Variants in SRCAP observed in about 807,000 individuals in gnomAD.
SRCAP encodes the protein Snf2 related CREBBP activator protein, also known as chromatin remodeling protein SRCAP.
A neutral mutation model predicts 263.1 loss-of-function variants in SRCAP; 46 were observed. That is an observed-to-expected ratio of 0.17 (90% CI 0.14 to 0.22). The LOEUF (loss-of-function observed/expected upper bound fraction) is 0.22, where lower values mean the gene tolerates loss of function less well. Ranked by LOEUF, SRCAP falls within the 10% of genes least tolerant of loss-of-function variation. The pLI is 1.00. For synonymous variants in SRCAP, 1,813 were observed against 1,662.1 expected, an observed-to-expected ratio of 1.09 and a Z score of -2.21; for missense variants, 3,695 against 4,181.9, an observed-to-expected ratio of 0.88 and a Z score of 3.21.
chr16:30,710,693 T>G (rs200785165), intron 8 of SRCAP, 61 bp from the exon 9 acceptor site: 15 of 1,544,706 alleles, frequency 9.7e-6, no homozygotes, highest in Non-Finnish European at 1.3e-5. Context: ...TTTTCAAGTT[T>G]GTGCCATTCT....
chr16:30,704,694 C>T (rs1258637417), intron 4 of SRCAP, among the ~76,000 whole-genome samples: 1 of 152,004 alleles, frequency 6.6e-6, no homozygotes, highest in Non-Finnish European at 1.5e-5. Flanking sequence ...AAAAAATTAG[C>T]TGGGTATAGT....
intron 24 of SRCAP, 93 bp from the exon 25 acceptor site, chr16:30,723,491 A>G (rs2053031347): frequency 2.6e-6 from 4 of 1,515,352 alleles, no homozygotes. Context: ...CCTTCTGGGA[A>G]ATGGGAAGCT....
At position 30,739,258 on chromosome 16, in the gene SRCAP, C is replaced by A. The variant is rs756246803; in HGVS notation, c.9218C>A (p.Ala3073Glu). The change falls in exon 34 of 34, where the codon GCA (alanine) becomes GAA (glutamate). Residue 3073 changes from alanine (A) to glutamate (E), a missense_variant. By Grantham distance (107) the Ala-to-Glu change is moderately radical (BLOSUM62 -1). Transcript: ENST00000262518. ...CGCCTGGCCCGCCTTCGGCTTGAAG[C>A]AGAAGGAATGCGAGGACGGAAGAGT... Reference protein sequence around the residue: ...LTRLARLRLEAEGMRGRKSGG... With the variant: ...LTRLARLRLEEEGMRGRKSGG... 2.5e-6 allele frequency: 4 copies of A among 1,613,890 alleles called. No individual in the cohort carries two copies. The highest frequency in any genetic ancestry group is 3.4e-6 in the Non-Finnish European group (4 of 1,180,026).
rs550759848 is a variant in SRCAP, at chr16:30,735,562, C to T, written c.6730-638C>T. ...GTGCAAAAATAATTGCAGTTTTTGACATTACTTTTTTTTTTTTTTTTTTTT... is the reference window on the plus strand; with the variant it reads ...GTGCAAAAATAATTGCAGTTTTTGATATTACTTTTTTTTTTTTTTTTTTTT... On this transcript the variant is annotated intron_variant, in intron 31 of 33. Coordinates refer to ENST00000262518, the MANE Select transcript of SRCAP (RefSeq NM_006662.3). Among the ~76,000 whole-genome samples the T allele has an allele frequency of 2.8e-5, 3 of 108,374 alleles. No homozygotes were observed. In the East Asian group the frequency reaches 8.2e-4, roughly 30 times the overall value. The allele number at this position is 108,374 out of a possible 152,430, so 71.1% of individuals were successfully genotyped here.
chr16:30,722,836 A>G (rs1483933028), intron 23 of SRCAP, 88 bp downstream of exon 23: 2 of 1,546,656 alleles, frequency 1.3e-6, no homozygotes, highest in Admixed American at 1.9e-5. Context: ...GCCTTCCCTC[A>G]GTGTTGTTTT....
In SRCAP at chr16:30,723,839, T is replaced by G; in HGVS notation, c.4415T>G (p.Leu1472Arg). Residue 1472 changes from leucine to arginine, a missense_variant, in exon 25 of 34, where the codon CTG becomes CGG. By Grantham distance (102) the Leu-to-Arg change is moderately radical. Transcript: ENST00000262518. ...ACTGTTTCTGCTTCGGGCCCAGCTC[T>G]GTTGACCAGTGTGACTCCACCATTG... is the stretch of plus-strand genomic sequence containing the variant. ...PLTVSASGPA[L>R]LTSVTPPLAP... The G allele has an allele frequency of 6.2e-7, 1 of 1,614,138 alleles. No homozygotes were observed. Among genetic ancestry groups the G allele is most frequent in the East Asian group, 2.2e-5 (1 of 44,886 alleles).
Position 30,709,873 on chromosome 16 carries a change from G to T in SRCAP, c.879G>T (p.Glu293Asp), listed in dbSNP as rs1179837561. 6.2e-7 allele frequency: 1 copy of T among 1,614,082 alleles called. No individual in the cohort carries two copies. Among genetic ancestry groups the T allele is most frequent in the Non-Finnish European group, 8.5e-7 (1 of 1,180,042 alleles). Reference sequence around the variant, plus strand: ...TAGATGGGGACTTTCAACCCCAAGAGGATGAGGAAGAGGATGATGAGGAAA... The same window carrying T: ...TAGATGGGGACTTTCAACCCCAAGATGATGAGGAAGAGGATGATGAGGAAA... ...DDEDGDFQPQ[E>D]DEEEDDEETI... The change falls in exon 8 of 34, where the codon GAG (glutamate) becomes GAT (aspartate). Residue 293 changes from glutamate (E) to aspartate (D), a missense_variant. By Grantham distance (45) the Glu-to-Asp change is conservative (BLOSUM62 2). Transcript: ENST00000262518.
At chr16:30,703,713 G>C (rs2052794424) in intron 3 of SRCAP, among the ~76,000 whole-genome samples, 4 of 151,530 alleles carry the variant, frequency 2.6e-5, no homozygotes, top group Admixed American at 2.0e-4. Context: ...TGGCTAACGT[G>C]GTGAAACCCT....
chr16:30,717,566 C>T (rs1185187829), intron 18 of SRCAP, among the ~76,000 whole-genome samples: 2 of 149,154 alleles, frequency 1.3e-5, no homozygotes, highest in Non-Finnish European at 3.0e-5. Flanking sequence ...CCCGCCTCAG[C>T]CTTCCAACTA....
rs192977968 is a variant in SRCAP, at chr16:30,722,783, G to T, written c.3892+35G>T. 1.7e-4 allele frequency: 267 copies of T among 1,585,492 alleles called. 3 individuals carry two copies. The East Asian group carries it at 3.3e-3, about 19-fold the overall frequency. ...CTGGCCTTCCTACTTAGCCCTTGCT[G>T]GCCTTGGTCCTTCCAGGCATGCGCT... On this transcript the variant is annotated intron_variant, in intron 23 of 33. Coordinates refer to ENST00000262518, the MANE Select transcript of SRCAP (RefSeq NM_006662.3).
chr16:30,702,567 TTCCCTCCC>T lies in SRCAP; in HGVS notation c.55-1483_55-1476del, dbSNP rs1265038644. On this transcript the variant is annotated intron_variant, in intron 3 of 33. Transcript: ENST00000262518. ...CACCCTCCTTCCCTCCCTCCCTCCC[TTCCCTCCC>T]TCCCTCCCTCCCTTCCCTGCCTTCC... 2.3e-4 allele frequency among the ~76,000 whole-genome samples: 6 copies of T among 25,772 alleles called. No homozygotes were observed. In the Admixed American group the frequency reaches 2.4e-3, roughly 10 times the overall value. The allele number at this position is 25,772 out of a possible 152,430, so 16.9% of individuals were successfully genotyped here.
At chr16:30,707,819 C>T (rs139272113) in intron 6 of SRCAP, 107 bp downstream of exon 6, 3 of 1,404,272 alleles carry the variant, frequency 2.1e-6, no homozygotes, top group South Asian at 1.3e-5. Flanking sequence ...TAATTTCAGG[C>T]AACTCTAATG....
In SRCAP at chr16:30,712,900, C is replaced by T. The variant is rs4889501; in HGVS notation, c.2130+85C>T. 1,493,402 of 1,501,854 alleles carry T rather than the reference C, an allele frequency of 0.99. 742,864 individuals are homozygous for T. Among genetic ancestry groups the T allele is most frequent in the Non-Finnish European group, 1 (1,116,931 of 1,117,112 alleles). The allele number at this position is 1,501,854 out of a possible 1,614,324, so 93.0% of individuals were successfully genotyped here. A position where few individuals can be genotyped will look rare whatever the true frequency, so the allele number is the denominator to read the frequency against. ...TTCCTCAGGTGAATTCCTTTCTCTC[C>T]TCTTTCTTTTTTAAAAAAAATTTTT... On this transcript the variant is annotated intron_variant, in intron 14 of 33. Transcript: ENST00000262518.
At position 30,734,617 on chromosome 16, in the gene SRCAP, TAA is replaced by T. The variant is rs770423372; in HGVS notation, c.6729+8_6729+9del. On this transcript the variant is annotated splice_donor_region_variant and intron_variant, in intron 31 of 33. Transcript: ENST00000262518. ...AAGCAGACTCATATTCTGGAGCAGGTAAAAAAAGAGTGGGCAGTTCGTAAAGT... is the reference window on the plus strand; with the variant it reads ...AAGCAGACTCATATTCTGGAGCAGGTAAAAAGAGTGGGCAGTTCGTAAAGT... 2.5e-6 allele frequency: 4 copies of T among 1,613,834 alleles called. No individual in the cohort carries two copies. In the East Asian group the frequency reaches 6.7e-5, roughly 27 times the overall value.
At chr16:30,705,707 G>GTT (rs541588292) in intron 4 of SRCAP, among the ~76,000 whole-genome samples, 38 of 130,982 alleles carry the variant, frequency 2.9e-4, no homozygotes, top group African/African-American at 9.2e-4. Context: ...CCACAATTGG[G>GTT]TTTTTTTTTT....
chr16:30,734,312 T>C (rs141391307), intron 30 of SRCAP, 184 bp from the exon 31 acceptor site: 5 of 846,874 alleles, frequency 5.9e-6, no homozygotes, highest in African/African-American at 5.1e-5. Flanking sequence ...CATTGCACTT[T>C]AGCCTGGGTG....
At chr16:30,718,033 T>C (rs2052970686) in intron 18 of SRCAP, among the ~76,000 whole-genome samples, 1 of 151,910 alleles carries the variant, frequency 6.6e-6, no homozygotes, top group Admixed American at 6.6e-5. Context: ...GCCTGACTGA[T>C]TTTTTTATTT....
At chr16:30,717,559 G>A (rs1027472262) in intron 18 of SRCAP, among the ~76,000 whole-genome samples, 4 of 146,854 alleles carry the variant, frequency 2.7e-5, no homozygotes, top group Non-Finnish European at 5.9e-5. Flanking sequence ...TAGTCCTCCC[G>A]CCTCAGCCTT....
Position 30,710,975 on chromosome 16 carries a change from A to T in SRCAP, c.1229-24A>T, listed in dbSNP as rs751175829. On this transcript the variant is annotated intron_variant, in intron 9 of 33. Coordinates refer to ENST00000262518, the MANE Select transcript of SRCAP (RefSeq NM_006662.3). The stretch of plus-strand genomic sequence containing the variant: ...GTGCCTCTAGCCTCTATCCCTATTA[A>T]TCTTGCTTCTGTCTCTTTCCTAGCG... 5.0e-6 allele frequency: 8 copies of T among 1,609,566 alleles called. No homozygotes were observed. The Admixed American group carries it at 1.2e-4, about 23-fold the overall frequency.
Sources: gnomAD v4.1 joint callset for allele counts (sites outside exome capture counted in the v4.1 genomes callset) on GRCh38, gnomAD v4.1.1 for gene constraint, MANE v1.5 for transcripts, NCBI Gene and HGNC (gene_info 2026-07-23, HGNC 2026-07-21) for gene names.